The following HOOK2 variants were observed in gnomAD, a reference collection of about 807,000 sequenced individuals.
HOOK2 encodes protein Hook homolog 2.
Under a neutral mutation model 111.9 loss-of-function variants are expected in HOOK2, and 108 were observed. The ratio of observed to expected loss-of-function variants is 0.96; its 90% CI spans 0.83 to 1.13. HOOK2 has a LOEUF of 1.13. HOOK2 is among the 50% of genes most tolerant of loss of function. HOOK2 has a pLI of 0.00. For synonymous variants in HOOK2, 405 were observed against 394.3 expected (o/e 1.03, Z -0.32); for missense variants, 978 against 951.3 (o/e 1.03, Z -0.37).
In HOOK2 at chr19:12,766,119, A is replaced by G; in HGVS notation, c.1495T>C (p.Leu499=). 6.2e-7 allele frequency: 1 copy of G among 1,601,844 alleles called. No homozygotes were observed. The highest frequency in any genetic ancestry group is 8.5e-7 in the Non-Finnish European group (1 of 1,178,776). Residue 499 remains leucine (L), a synonymous_variant, in exon 15 of 23, where the codon TTG becomes CTG. Transcript: ENST00000397668. ...LEDANRARHG[L]ETQHRLNQQQ... is the part of the protein sequence containing the mutation. ...GGCGCTCACCGGTGCTGCGTCTCCA[A>G]CCCGTGGCGCGCGCGGTTGGCATCC...
chr19:12,792,239 C>A (rs574468971), intron 3 of HOOK2: 4 of 1,521,176 alleles, frequency 2.6e-6, no homozygotes, highest in South Asian at 1.2e-5. Flanking sequence ...CACCCCCCAA[C>A]GTGTCCCTGG....
chr19:12,768,990 G>C (rs542998898), intron 11 of HOOK2, among the ~76,000 whole-genome samples: 1 of 147,216 alleles, frequency 6.8e-6, no homozygotes, highest in African/African-American at 2.5e-5. Context: ...TTTCGAGACG[G>C]AGTCTTGCTC....
At chr19:12,783,702 C>T (rs1359101360) in intron 3 of HOOK2, among the ~76,000 whole-genome samples, 3 of 152,132 alleles carry the variant, frequency 2.0e-5, no homozygotes, top group Admixed American at 1.3e-4. Context: ...TTATGTCCAG[C>T]TTGTTGGGTT....
At chr19:12,782,851 C>A (rs1352465743), upstream of HOOK2, among the ~76,000 whole-genome samples, 1 of 151,298 alleles carries the variant, frequency 6.6e-6, no homozygotes, top group African/African-American at 2.4e-5. Flanking sequence ...AGGGCAGTCC[C>A]TGTTGGGGGA....
rs74181804 is a variant in HOOK2 at position 12,764,147 on chromosome 19, TG to T, written c.1828-370del. ...CTCCTGCCTCAGCCTCCCGAGTAGC[TG>T]GGATTACAGGCGCATGTTACCAATC... On this transcript the variant is annotated intron_variant, in intron 20 of 22. Transcript: ENST00000397668. Among the ~76,000 whole-genome samples the T allele has an allele frequency of 6.6e-3, 1,005 of 152,014 alleles. 4 individuals are homozygous for T. The highest frequency in any genetic ancestry group is 0.011 in the Non-Finnish European group (764 of 67,980).
upstream of HOOK2, among the ~76,000 whole-genome samples, chr19:12,783,344 A>AC (rs1353775192): frequency 6.8e-5 from 2 of 29,520 alleles, no homozygotes; most frequent in African/African-American, 2.7e-4. Context: ...TAGACCCCCC[A>AC]CCCCCACCCC....
intron 14 of HOOK2, among the ~76,000 whole-genome samples, chr19:12,766,989 A>G (rs1968173410): frequency 6.6e-6 from 1 of 152,074 alleles, no homozygotes; most frequent in African/African-American, 2.4e-5. Flanking sequence ...TCGGCCTTCC[A>G]AAGTGCTGGG....
At chr19:12,772,357 G>T (rs1285959034) in intron 6 of HOOK2, 105 bp from the exon 7 acceptor site, 3 of 1,305,496 alleles carry the variant, frequency 2.3e-6, no homozygotes, top group Non-Finnish European at 3.3e-6. Flanking sequence ...GTCAAGGCCA[G>T]TTCTGCCCAA....
chr19:12,770,816 T>G, intron 10 of HOOK2, 116 bp downstream of exon 10: 2 of 1,303,224 alleles, frequency 1.5e-6, no homozygotes, highest in Non-Finnish European at 2.1e-6. Context: ...AGGGGGCATA[T>G]TGGGGGTTCA....
chr19:12,780,760 G>T (rs1364500603), upstream of HOOK2, among the ~76,000 whole-genome samples: 1 of 136,770 alleles, frequency 7.3e-6, no homozygotes, highest in African/African-American at 2.7e-5. Context: ...GGGCGGATCA[G>T]GAGGTCAGGA....
At chr19:12,771,764 C>T (rs950287069) in intron 7 of HOOK2, 18 of 441,688 alleles carry the variant, frequency 4.1e-5, no homozygotes, top group Non-Finnish European at 7.1e-5. Context: ...TGCCTGTAGT[C>T]CTGGCTACTC....
Position 12,791,972 on chromosome 19 carries a change from C to T in HOOK2, n.42-17747G>A, listed in dbSNP as rs1968722964. ...GCCCAGAGGGCGGCGGTGGCGGCAG[C>T]TACTTTTCTGGTCAGGGCTCGGACA... On this transcript the variant is annotated intron_variant and non_coding_transcript_variant, in intron 3 of 3. Transcript: ENST00000589765. This position sits in a 1 kb window ranked among gnomAD's most constrained non-coding sequence, Gnocchi z 7.0. The T allele has an allele frequency of 6.2e-7, 1 of 1,611,378 alleles. No individual in the cohort carries two copies. Among genetic ancestry groups the T allele is most frequent in the Non-Finnish European group, 8.5e-7 (1 of 1,179,420 alleles).
At chr19:12,772,273 T>C in intron 6 of HOOK2, 21 bp from the exon 7 acceptor site, 1 of 1,612,784 alleles carries the variant, frequency 6.2e-7, no homozygotes, top group Non-Finnish European at 8.5e-7. Flanking sequence ...GGAAGGGGCA[T>C]TGTAATGAAC....
At position 12,791,423 on chromosome 19, in the gene HOOK2, T is replaced by G; in HGVS notation, n.42-17198A>C. ...GGGGCCCGGCTCCGGCGACGGCCAA[T>G]CGGAGCGCACTTCCGTGGCTGACTA... On this transcript the variant is annotated intron_variant and non_coding_transcript_variant, in intron 3 of 3. Coordinates refer to the HOOK2 transcript ENST00000589765. The surrounding 1 kb of genome is among the most constrained non-coding windows in gnomAD (Gnocchi z 7.0). 1.1e-5 allele frequency: 2 copies of G among 181,624 alleles called. No homozygotes were observed. The highest frequency in any genetic ancestry group is 2.3e-5 in the Non-Finnish European group (2 of 87,558). The allele number at this position is 181,624 out of a possible 1,614,324, so 11.3% of individuals were successfully genotyped here.
At chr19:12,765,766 G>A in intron 17 of HOOK2, 42 bp from the exon 18 acceptor site, 1 of 1,614,148 alleles carries the variant, frequency 6.2e-7, no homozygotes, top group East Asian at 2.2e-5. Context: ...GATCCAGAGA[G>A]GCCCTAATTC....
intron 6 of HOOK2, 94 bp from the exon 7 acceptor site, chr19:12,772,346 C>T (rs1489982977): frequency 7.2e-6 from 10 of 1,383,648 alleles, no homozygotes; most frequent in Admixed American, 1.7e-5. Flanking sequence ...TCCATCCTCC[C>T]GTCAAGGCCA....
chr19:12,773,814 A>T (rs1367716221), intron 3 of HOOK2: 1 of 152,692 alleles, frequency 6.5e-6, no homozygotes, highest in Non-Finnish European at 1.5e-5. Context: ...CCACACCCCC[A>T]CCATGGCCTG....
At chr19:12,772,341 C>G in intron 6 of HOOK2, 89 bp from the exon 7 acceptor site, 1 of 1,431,840 alleles carries the variant, frequency 7.0e-7, no homozygotes, top group Admixed American at 1.7e-5. Flanking sequence ...ACCTCTCCAT[C>G]CTCCCGTCAA....
upstream of HOOK2, among the ~76,000 whole-genome samples, chr19:12,780,654 C>T (rs1021662115): frequency 7.2e-4 from 23 of 32,114 alleles, no homozygotes; most frequent in East Asian, 0.013. Flanking sequence ...CGCGCCCGGC[C>T]TTTTTTTTTT....
Sources: allele counts gnomAD v4.1 joint callset (sites outside exome capture counted in the v4.1 genomes callset), GRCh38; gene constraint gnomAD v4.1.1; non-coding constraint Gnocchi (gnomAD v3.1); transcripts MANE v1.5; gene names NCBI Gene and HGNC (gene_info 2026-07-23, HGNC 2026-07-21).